Variants in HMGA2 observed in about 807,000 individuals in gnomAD.
HMGA2 encodes high mobility group protein HMGI-C.
Under a neutral mutation model 19.1 loss-of-function variants are expected in HMGA2, and 8 were observed. That is an observed-to-expected ratio of 0.42 (90% CI 0.25 to 0.76). The LOEUF is 0.76. Ranked by LOEUF, HMGA2 falls within the 30% of genes least tolerant of loss-of-function variation. HMGA2 has a pLI of 0.28. For synonymous variants in HMGA2, 60 were observed against 48.8 expected (o/e 1.23, Z -0.96); for missense variants, 109 against 136.3 (o/e 0.80, Z 1.00).
intron 3 of HMGA2, among the ~76,000 whole-genome samples, chr12:65,917,253 G>T (rs1000179775): frequency 6.6e-6 from 1 of 152,186 alleles, no homozygotes; most frequent in Non-Finnish European, 1.5e-5. Context: ...GAGTCCCAGG[G>T]CCTAAGGTCC....
intron 4 of HMGA2, chr12:65,952,237 T>C (rs1032275265): frequency 7.2e-6 from 5 of 692,518 alleles, no homozygotes; most frequent in Non-Finnish European, 1.2e-5. Flanking sequence ...CTAAAATAAG[T>C]AGTAAGCAGT....
rs1162702245 is a variant in HMGA2 at position 65,917,142 on chromosome 12, C to T, written c.250-34241C>T. ...AATAAGTAGAGAAGGAAAAGATGGG[C>T]TAGGAGCCCCTGGCTGAACCCCAGG... is the stretch of plus-strand genomic sequence containing the variant. On this transcript the variant is annotated intron_variant, in intron 3 of 4. Coordinates refer to ENST00000403681, the MANE Select transcript of HMGA2 (RefSeq NM_003483.6). Among the ~76,000 whole-genome samples, 3 of 152,160 alleles carry T rather than the reference C, an allele frequency of 2.0e-5. No homozygotes were observed. The East Asian group carries it at 5.8e-4, about 29-fold the overall frequency.
chr12:65,833,083 G>A (rs1402578782), intron 2 of HMGA2, among the ~76,000 whole-genome samples: 1 of 152,062 alleles, frequency 6.6e-6, no homozygotes, highest in Non-Finnish European at 1.5e-5. Flanking sequence ...TACAATGGGT[G>A]ATGGAAATTA....
At chr12:65,943,639 C>T (rs1193601547) in intron 3 of HMGA2, among the ~76,000 whole-genome samples, 1 of 152,162 alleles carries the variant, frequency 6.6e-6, no homozygotes, top group African/African-American at 2.4e-5. Context: ...TCCCCTCTTC[C>T]ACAATACCAA....
At chr12:65,909,207 A>G (rs569773447) in intron 3 of HMGA2, among the ~76,000 whole-genome samples, 66 of 152,338 alleles carry the variant, frequency 4.3e-4, no homozygotes, top group African/African-American at 1.6e-3. Context: ...GGGAGCCACA[A>G]TACTTTCAAA....
intron 3 of HMGA2, among the ~76,000 whole-genome samples, chr12:65,930,810 C>T (rs11175970): frequency 0.023 from 3,540 of 152,102 alleles, 88 homozygotes; most frequent in East Asian, 0.088. Flanking sequence ...CAATCGATAT[C>T]TTAATTTTTA....
At chr12:65,874,597 C>A (rs1281367406) in intron 3 of HMGA2, among the ~76,000 whole-genome samples, 2 of 152,082 alleles carry the variant, frequency 1.3e-5, no homozygotes, top group Non-Finnish European at 2.9e-5. Flanking sequence ...GTGCAGGTGA[C>A]CTCTATGTAC....
At chr12:65,913,346 A>G (rs1185053638) in intron 3 of HMGA2, among the ~76,000 whole-genome samples, 1 of 152,178 alleles carries the variant, frequency 6.6e-6, no homozygotes, top group African/African-American at 2.4e-5. Flanking sequence ...TGACTTCTGC[A>G]CAGGAAGAAG....
chr12:65,956,520 T>C (rs1053194226), intron 4 of HMGA2: 2 of 152,178 alleles, frequency 1.3e-5, no homozygotes, highest in Non-Finnish European at 2.9e-5. Flanking sequence ...GATGAAGTAA[T>C]TAGCTTAGCT....
chr12:65,869,248 C>G (rs1026865230), intron 3 of HMGA2, among the ~76,000 whole-genome samples: 3 of 152,024 alleles, frequency 2.0e-5, no homozygotes, highest in Non-Finnish European at 4.4e-5. Context: ...TAAATCAAAG[C>G]AAGATTAGAG....
chr12:65,917,440 T>C (rs896501247), intron 3 of HMGA2, among the ~76,000 whole-genome samples: 16 of 152,154 alleles, frequency 1.1e-4, no homozygotes, highest in Admixed American at 6.5e-5. Context: ...TCTGGATTGT[T>C]TCCTCCATGC....
intron 3 of HMGA2, among the ~76,000 whole-genome samples, chr12:65,920,160 G>A (rs144268614): frequency 1.3e-5 from 2 of 152,222 alleles, no homozygotes; most frequent in African/African-American, 4.8e-5. Context: ...TGTGAAAATA[G>A]CCGTGAAGTG....
At chr12:65,930,804 C>T (rs1013634101) in intron 3 of HMGA2, among the ~76,000 whole-genome samples, 10 of 152,082 alleles carry the variant, frequency 6.6e-5, no homozygotes, top group Non-Finnish European at 1.2e-4. Context: ...ATAAAACAAT[C>T]GATATCTTAA....
In HMGA2 at chr12:65,881,763, G is replaced by T. The variant is rs1158821218; in HGVS notation, c.249+43194G>T. 1.7e-5 allele frequency: 12 copies of T among 703,092 alleles called. No homozygotes were observed. The East Asian group carries it at 3.2e-4, about 19-fold the overall frequency. 43.6% of individuals were successfully genotyped at this position (703,092 alleles called of 1,614,324 possible). A position where few individuals can be genotyped will look rare whatever the true frequency, so the allele number is the denominator to read the frequency against. On this transcript the variant is annotated intron_variant, in intron 3 of 4. Coordinates refer to ENST00000403681, the MANE Select transcript of HMGA2 (RefSeq NM_003483.6). ...CCCAGTGGTTGCTAATGAAGAGCCC[G>T]TGCTGGTGAAGGAAGCCTGCTGATC...
chr12:65,959,737 A>T (rs763729567), intron 4 of HMGA2, among the ~76,000 whole-genome samples: 71 of 152,192 alleles, frequency 4.7e-4, no homozygotes, highest in Non-Finnish European at 9.1e-4. Flanking sequence ...TCTTGGCTAC[A>T]GTTTTCATCT....
At chr12:65,948,333 AG>A in intron 3 of HMGA2, 1 of 152,346 alleles carries the variant, frequency 6.6e-6, no homozygotes, top group Non-Finnish European at 1.5e-5. Flanking sequence ...TCTAGTGGCC[AG>A]TCGTGTTTTT....
At chr12:65,915,179 G>A in intron 3 of HMGA2, 6 of 1,610,832 alleles carry the variant, frequency 3.7e-6, no homozygotes, top group Non-Finnish European at 5.1e-6. Context: ...TTTTCACCTT[G>A]AGGAATTGTC....
At chr12:65,900,763 C>G (rs1231976336) in intron 3 of HMGA2, among the ~76,000 whole-genome samples, 1 of 152,174 alleles carries the variant, frequency 6.6e-6, no homozygotes, top group Non-Finnish European at 1.5e-5. Context: ...GCTAAATATA[C>G]CCAAACAGGC....
rs769710665 is a variant in HMGA2, at chr12:65,838,554, C to G, written c.234C>G (p.Gly78=). 6.2e-7 allele frequency: 1 copy of G among 1,610,416 alleles called. No homozygotes were observed. The change falls in exon 3 of 5, where the codon GGC becomes GGG. Residue 78 remains glycine, a synonymous_variant. Coordinates refer to ENST00000403681, the MANE Select transcript of HMGA2 (RefSeq NM_003483.6). ...AEATGEKRPR[G]RPRKWPQQVV... ...CCACTGGAGAAAAACGGCCAAGAGG[C>G]AGACCTAGGAAATGGGTGAGTAATA...
Sources: allele counts gnomAD v4.1 joint callset (sites outside exome capture counted in the v4.1 genomes callset), GRCh38; gene constraint gnomAD v4.1.1; transcripts MANE v1.5; gene names NCBI Gene and HGNC (gene_info 2026-07-23, HGNC 2026-07-21).